The following TRIM2 variants were observed in gnomAD, a reference collection of about 807,000 sequenced individuals.
TRIM2 encodes tripartite motif containing 2, also known as tripartite motif-containing protein 2.
In TRIM2, 20 loss-of-function variants were observed where a neutral mutation model predicts 75.2. That is an observed-to-expected ratio of 0.27 (90% CI 0.19 to 0.39). TRIM2 has a LOEUF of 0.39. TRIM2 is among the 10% of genes least tolerant of loss of function. The pLI is 1.00. For missense variants in TRIM2, 660 were observed against 990.8 expected, an observed-to-expected ratio of 0.67 and a Z score of 4.48; for synonymous variants, 373 against 388.3, an observed-to-expected ratio of 0.96 and a Z score of 0.46.
At chr4:153,331,581 T>A (rs1221440258) in intron 11 of TRIM2, among the ~76,000 whole-genome samples, 1 of 152,082 alleles carries the variant, frequency 6.6e-6, no homozygotes, top group Non-Finnish European at 1.5e-5. Context: ...CAAATTAATA[T>A]ACAGGTTTAA....
intron 6 of TRIM2, among the ~76,000 whole-genome samples, chr4:153,303,197 C>T (rs1218600074): frequency 6.6e-6 from 1 of 152,136 alleles, no homozygotes; most frequent in Non-Finnish European, 1.5e-5. Flanking sequence ...GACGCCGTGG[C>T]TTATGCCTGT....
chr4:153,335,600 C>T lies in TRIM2; in HGVS notation c.*634C>T. ...CAACCTTTCTGGGTTAGACAAAGAT[C>T]CTTTTTTGTGTGTTCTTTTCACCAC... On this transcript the variant is annotated 3_prime_UTR_variant, in exon 12 of 12. Coordinates refer to ENST00000338700, the MANE Select transcript of TRIM2 (RefSeq NM_015271.5). 1 of 985,382 alleles carries T rather than the reference C, an allele frequency of 1.0e-6. No homozygotes were observed. Among genetic ancestry groups the T allele is most frequent in the Non-Finnish European group, 1.2e-6 (1 of 829,926 alleles). The allele number at this position is 985,382 out of a possible 1,614,324, so 61.0% of individuals were successfully genotyped here.
intron 1 of TRIM2, among the ~76,000 whole-genome samples, chr4:153,238,358 C>T (rs566905985): frequency 2.1e-5 from 3 of 144,210 alleles, no homozygotes; most frequent in African/African-American, 8.6e-5. Flanking sequence ...AATTTGTACC[C>T]AAGCAAAGTT....
At chr4:153,158,038 T>C (rs1164836094) in intron 1 of TRIM2, among the ~76,000 whole-genome samples, 1 of 152,240 alleles carries the variant, frequency 6.6e-6, no homozygotes, top group Non-Finnish European at 1.5e-5. Flanking sequence ...ACAGTCAGTT[T>C]GTGTTTTTTC....
intron 8 of TRIM2, among the ~76,000 whole-genome samples, chr4:153,320,179 T>A (rs1768622286): frequency 6.6e-6 from 1 of 152,222 alleles, no homozygotes; most frequent in South Asian, 2.1e-4. Flanking sequence ...CTTTGATCTT[T>A]GGGCTAGATT....
intron 3 of TRIM2, among the ~76,000 whole-genome samples, chr4:153,285,041 C>G (rs1482546338): frequency 6.6e-6 from 1 of 151,942 alleles, no homozygotes; most frequent in East Asian, 1.9e-4. Flanking sequence ...AAATTCACCC[C>G]TGTTTCCTTC....
At chr4:153,305,152 G>A (rs766404522) in intron 6 of TRIM2, among the ~76,000 whole-genome samples, 5 of 152,206 alleles carry the variant, frequency 3.3e-5, no homozygotes, top group Non-Finnish European at 7.3e-5. Flanking sequence ...ATGCAGTAGA[G>A]TAGATAGTTA....
chr4:153,166,657 T>G (rs1458943147), intron 1 of TRIM2, among the ~76,000 whole-genome samples: 1 of 152,100 alleles, frequency 6.6e-6, no homozygotes, highest in Non-Finnish European at 1.5e-5. Context: ...CATGTGATCC[T>G]CCTGCATCTG....
chr4:153,264,747 C>A (rs1754474189), intron 1 of TRIM2, among the ~76,000 whole-genome samples: 2 of 152,164 alleles, frequency 1.3e-5, no homozygotes, highest in Admixed American at 1.3e-4. Flanking sequence ...TTCTTCTGAG[C>A]ACATTGTCCC....
chr4:153,165,498 TTTTG>T lies in TRIM2; in HGVS notation c.-49+12240_-49+12243del, dbSNP rs761229497. ...AACACATGCCACCATGCCTGGCTAT[TTTTG>T]TTTGTTTGTTTATAGATATGGAGTC... On this transcript the variant is annotated intron_variant, in intron 1 of 11. Transcript: ENST00000437508. Among the ~76,000 whole-genome samples the T allele has an allele frequency of 1.3e-3, 199 of 152,192 alleles. No individual in the cohort carries two copies. In the Middle Eastern group the frequency reaches 0.027, roughly 21 times the overall value.
chr4:153,220,808 C>T (rs576203007), intron 1 of TRIM2, among the ~76,000 whole-genome samples: 2 of 152,218 alleles, frequency 1.3e-5, no homozygotes, highest in East Asian at 1.9e-4. Context: ...CATTATTTGT[C>T]ATTAGGGAAA....
chr4:153,222,058 A>AGGG (rs1740643272), intron 1 of TRIM2, among the ~76,000 whole-genome samples: 6 of 39,544 alleles, frequency 1.5e-4, no homozygotes, highest in African/African-American at 2.3e-4. Flanking sequence ...GGGAGGGAGG[A>AGGG]AGGAAGGAAG....
chr4:153,268,474 G>A (rs1234143150), intron 1 of TRIM2, among the ~76,000 whole-genome samples: 3 of 152,202 alleles, frequency 2.0e-5, no homozygotes, highest in Admixed American at 1.3e-4. Context: ...AGATGGAGTC[G>A]GTTAGGTCTG....
chr4:153,219,761 G>A (rs547810013), intron 1 of TRIM2, among the ~76,000 whole-genome samples: 3 of 152,236 alleles, frequency 2.0e-5, no homozygotes, highest in South Asian at 2.1e-4. Flanking sequence ...CCAGCTACTC[G>A]GCAGGCTGAG....
At chr4:153,311,168 A>G (rs1766202822) in intron 6 of TRIM2, among the ~76,000 whole-genome samples, 1 of 152,152 alleles carries the variant, frequency 6.6e-6, no homozygotes, top group Non-Finnish European at 1.5e-5. Context: ...AAATACAACT[A>G]TTGCCCATTT....
intron 1 of TRIM2, among the ~76,000 whole-genome samples, chr4:153,243,818 TCCCC>T (rs77308682): frequency 0.017 from 1,664 of 98,720 alleles, 41 homozygotes; most frequent in East Asian, 0.1. Flanking sequence ...TTTTTTTTTT[TCCCC>T]CCCCCCTTGA....
intron 10 of TRIM2, among the ~76,000 whole-genome samples, chr4:153,324,716 G>A (rs184863211): frequency 6.6e-6 from 1 of 152,188 alleles, no homozygotes; most frequent in Admixed American, 6.5e-5. Context: ...AGAAAATCAG[G>A]AAATAATAAA....
intron 1 of TRIM2, among the ~76,000 whole-genome samples, chr4:153,210,058 A>ATTTTTTTTTTTTT (rs761134144): frequency 9.3e-6 from 1 of 107,026 alleles, no homozygotes; most frequent in African/African-American, 4.0e-5. Context: ...GGGTGATTTA[A>ATTTTTTTTTTTTT]TTTTTTTTTT....
chr4:153,213,620 C>T (rs1336027405), intron 1 of TRIM2, among the ~76,000 whole-genome samples: 4 of 152,148 alleles, frequency 2.6e-5, no homozygotes, highest in African/African-American at 9.7e-5. Flanking sequence ...CTCTGCCTCC[C>T]GAGTTCAAGC....
Sources: gnomAD v4.1 joint callset for allele counts (sites outside exome capture counted in the v4.1 genomes callset) on GRCh38, gnomAD v4.1.1 for gene constraint, MANE v1.5 for transcripts, NCBI Gene and HGNC (gene_info 2026-07-23, HGNC 2026-07-21) for gene names.